IFT80: variants seen among roughly 807,000 people sequenced by gnomAD.
The protein encoded by IFT80 is intraflagellar transport 80, also known as intraflagellar transport protein 80 homolog.
IFT80 carries 79 observed loss-of-function variants against 107.9 expected under a neutral mutation model. The observed-to-expected ratio is 0.73, with a 90% CI of 0.61 to 0.88. The LOEUF is 0.88. Ranked by LOEUF, IFT80 falls within the 40% of genes least tolerant of loss-of-function variation. IFT80 has a pLI of 0.00. For synonymous variants in IFT80, 299 were observed against 300.9 expected, an observed-to-expected ratio of 0.99 and a Z score of 0.07; for missense variants, 797 against 914.2, an observed-to-expected ratio of 0.87 and a Z score of 1.65.
chr3:160,344,752 A>G (rs1720163366), intron 8 of IFT80, among the ~76,000 whole-genome samples: 3 of 152,220 alleles, frequency 2.0e-5, no homozygotes, highest in Admixed American at 2.0e-4. Context: ...TGGGAAAAAA[A>G]TCTGATAATA....
chr3:160,277,264 G>C lies in IFT80; in HGVS notation c.2099+42C>G, dbSNP rs765207288. ...AGTGGTAGATGGAAAAATACATTAA[G>C]GTCAAACAGATTTTGGAACTGATGG... is the stretch of plus-strand genomic sequence containing the variant. On this transcript the variant is annotated intron_variant, in intron 18 of 19. Transcript: ENST00000326448. 19 of 1,556,510 alleles carry C rather than the reference G, an allele frequency of 1.2e-5. 1 individual carries two copies. The African/African-American group carries it at 2.6e-4, about 21-fold the overall frequency.
Position 160,301,004 on chromosome 3 carries a change from T to G in IFT80, c.1194A>C (p.Ser398=). The part of the protein sequence containing the change: ...LVDGSSIYLY[S]YEGRFISSPK... ...GAGATGAAATAAAGCGCCCTTCATA[T>G]GAATATAAATAGATACTACTACCAT... is the stretch of plus-strand genomic sequence containing the variant. The change falls in exon 12 of 20, where the codon TCA becomes TCC. Residue 398 remains serine (S), a synonymous_variant. Transcript: ENST00000326448. 1 of 1,597,174 alleles carries G rather than the reference T, an allele frequency of 6.3e-7. No homozygotes were observed. The highest frequency in any genetic ancestry group is 8.6e-7 in the Non-Finnish European group (1 of 1,168,088).
intron 19 of IFT80, among the ~76,000 whole-genome samples, chr3:160,263,232 C>T (rs975856885): frequency 6.6e-6 from 1 of 152,210 alleles, no homozygotes; most frequent in South Asian, 2.1e-4. Flanking sequence ...CCAGTCACCA[C>T]AACTGTTCTC....
At chr3:160,391,721 A>G (rs1713399052) in intron 1 of IFT80, 1 of 152,216 alleles carries the variant, frequency 6.6e-6, no homozygotes, top group African/African-American at 2.4e-5. Context: ...AAAAACTCGG[A>G]AGAGTGACAC....
intron 1 of IFT80, among the ~76,000 whole-genome samples, chr3:160,392,249 C>T (rs1240173999): frequency 1.3e-5 from 2 of 152,216 alleles, no homozygotes; most frequent in African/African-American, 4.8e-5. Flanking sequence ...AGGCTCAGTC[C>T]TTGTGCCTCT....
intron 6 of IFT80, 45 bp from the exon 7 acceptor site, chr3:160,357,623 C>A: frequency 7.6e-7 from 1 of 1,318,266 alleles, no homozygotes. Context: ...TTTAAAAGCA[C>A]TTAAGTTTTT....
At chr3:160,281,877 C>T (rs969846517) in intron 14 of IFT80, among the ~76,000 whole-genome samples, 13 of 152,198 alleles carry the variant, frequency 8.5e-5, no homozygotes, top group African/African-American at 3.1e-4. Flanking sequence ...CAGAAGCATG[C>T]CAAAGTATAA....
chr3:160,285,985 A>T, intron 12 of IFT80, 117 bp from the exon 13 acceptor site: 1 of 651,240 alleles, frequency 1.5e-6, no homozygotes, highest in Non-Finnish European at 2.7e-6. Flanking sequence ...CCACAGAGAG[A>T]GCAGCAGCAT....
chr3:160,292,393 G>A (rs1715629225), intron 12 of IFT80, among the ~76,000 whole-genome samples: 1 of 151,140 alleles, frequency 6.6e-6, no homozygotes, highest in African/African-American at 2.4e-5. Context: ...AAAGTATGAA[G>A]AACTGGCTTG....
In IFT80 at chr3:160,342,402, T is replaced by C. The variant is rs1386367207; in HGVS notation, c.777+13611A>G. ...TGTTGATATATCAAAAAGTGATACA[T>C]TCCTTTGAGGGAAGAGACTATTTTT... On this transcript the variant is annotated intron_variant, in intron 8 of 19. Coordinates refer to ENST00000326448, the MANE Select transcript of IFT80 (RefSeq NM_020800.3). Among the ~76,000 whole-genome samples, 4 of 152,198 alleles carry C rather than the reference T, an allele frequency of 2.6e-5. No homozygotes were observed. The East Asian group carries it at 7.7e-4, about 29-fold the overall frequency.
chr3:160,291,015 A>T (rs1391033191), intron 12 of IFT80, among the ~76,000 whole-genome samples: 1 of 152,260 alleles, frequency 6.6e-6, no homozygotes, highest in South Asian at 2.1e-4. Flanking sequence ...TAGGAATGCA[A>T]AATGGGAATC....
At chr3:160,383,605 A>T (rs1712694261) in intron 2 of IFT80, 1 of 929,828 alleles carries the variant, frequency 1.1e-6, no homozygotes, top group Admixed American at 6.2e-5. Flanking sequence ...TGCTACAAAA[A>T]TTTCTCAGCC....
At chr3:160,376,066 AC>A (rs1576890911) in intron 4 of IFT80, among the ~76,000 whole-genome samples, 186 bp from the exon 5 acceptor site, 1 of 152,242 alleles carries the variant, frequency 6.6e-6, no homozygotes, top group East Asian at 1.9e-4. Flanking sequence ...GTACTTTATA[AC>A]TATCATTTAA....
chr3:160,288,829 A>G (rs561120032), intron 12 of IFT80, among the ~76,000 whole-genome samples: 1 of 152,356 alleles, frequency 6.6e-6, no homozygotes, highest in East Asian at 1.9e-4. Flanking sequence ...TGATTTGTGG[A>G]GAAAAGGGAA....
rs144841322 is a variant in IFT80, at chr3:160,375,729, T to C, written c.439+83A>G. On this transcript the variant is annotated intron_variant, in intron 5 of 19. Coordinates refer to ENST00000326448, the MANE Select transcript of IFT80 (RefSeq NM_020800.3). ...ACCAAAGTCAGTCTCAACCACCGTA[T>C]TAGATTGTTTCTAAAGGAAAACTTT... 4,505 of 893,972 alleles carry C rather than the reference T, an allele frequency of 5.0e-3. 33 individuals are homozygous for C. Among genetic ancestry groups the C allele is most frequent in the Middle Eastern group, 6.3e-3 (29 of 4,636 alleles). 55.4% of individuals were successfully genotyped at this position (893,972 alleles called of 1,614,324 possible).
At position 160,310,962 on chromosome 3, in the gene IFT80, A is replaced by G. The variant is rs551967098; in HGVS notation, c.958-3181T>C. Among the ~76,000 whole-genome samples, 4 of 152,198 alleles carry G rather than the reference A, an allele frequency of 2.6e-5. No individual in the cohort carries two copies. In the South Asian group the frequency reaches 8.3e-4, roughly 32 times the overall value. Reference sequence around the variant, plus strand: ...AGGTGAGACCCTGTCTCTACAAAAAACAAACAAAAAAAATTAGCTAGGTGT... The same window carrying G: ...AGGTGAGACCCTGTCTCTACAAAAAGCAAACAAAAAAAATTAGCTAGGTGT... On this transcript the variant is annotated intron_variant, in intron 9 of 19. Transcript: ENST00000326448.
intron 6 of IFT80, among the ~76,000 whole-genome samples, chr3:160,357,790 A>G (rs554730313): frequency 6.6e-6 from 1 of 152,294 alleles, no homozygotes; most frequent in East Asian, 1.9e-4. Flanking sequence ...GACATCCACT[A>G]TATAGCCTCA....
At chr3:160,386,942 T>C (rs868070925) in intron 1 of IFT80, among the ~76,000 whole-genome samples, 40 of 152,168 alleles carry the variant, frequency 2.6e-4, no homozygotes, top group Middle Eastern at 3.4e-3. Context: ...AAGAAGCCAG[T>C]GGAGAAGTTA....
intron 8 of IFT80, among the ~76,000 whole-genome samples, chr3:160,347,362 A>AT (rs1720364775): frequency 6.6e-6 from 1 of 151,798 alleles, no homozygotes; most frequent in Non-Finnish European, 1.5e-5. Flanking sequence ...TGATTCTGAC[A>AT]TTTTTTGCCA....
Sources: allele counts gnomAD v4.1 joint callset (sites outside exome capture counted in the v4.1 genomes callset), GRCh38; gene constraint gnomAD v4.1.1; transcripts MANE v1.5; gene names NCBI Gene and HGNC (gene_info 2026-07-23, HGNC 2026-07-21).